CELF4: variants seen among roughly 807,000 people sequenced by gnomAD.
The protein encoded by CELF4 is CUGBP Elav-like family member 4.
CELF4 carries 18 observed loss-of-function variants against 59.9 expected under a neutral mutation model. The ratio of observed to expected loss-of-function variants is 0.30; its 90% CI spans 0.21 to 0.45. CELF4 has a LOEUF of 0.45. Among genes scored for constraint, CELF4 ranks in the 20% least tolerant of loss-of-function variants. CELF4 has a pLI of 1.00. For missense variants in CELF4, 456 were observed against 689.0 expected (o/e 0.66, Z 3.79); for synonymous variants, 261 against 267.1 (o/e 0.98, Z 0.22).
intron 2 of CELF4, among the ~76,000 whole-genome samples, chr18:37,437,200 A>G (rs1348608646): frequency 6.6e-6 from 1 of 152,102 alleles, no homozygotes; most frequent in East Asian, 1.9e-4. Context: ...TGCCTGCCCC[A>G]CCCCATGCCC....
intron 2 of CELF4, among the ~76,000 whole-genome samples, chr18:37,325,364 G>A (rs896694752): frequency 1.3e-5 from 2 of 152,320 alleles, no homozygotes; most frequent in South Asian, 4.1e-4. Flanking sequence ...GGTGAGTCCT[G>A]CGGATTCGCC....
rs566174797 is a variant in CELF4 at position 37,367,472 on chromosome 18, G to C, written c.370-45591C>G. On this transcript the variant is annotated intron_variant, in intron 2 of 12. Coordinates refer to ENST00000420428, the MANE Select transcript of CELF4 (RefSeq NM_020180.4). Reference sequence around the variant, plus strand: ...GGCAGGGGTGGGGATGGGGAGGACAGAGGGAAAGGATGCTCTGGGAAGGCC... The same window carrying C: ...GGCAGGGGTGGGGATGGGGAGGACACAGGGAAAGGATGCTCTGGGAAGGCC... Among the ~76,000 whole-genome samples, 67 of 152,110 alleles carry C rather than the reference G, an allele frequency of 4.4e-4. 1 individual carries two copies. Among genetic ancestry groups the C allele is most frequent in the African/African-American group, 1.5e-3 (64 of 41,508 alleles).
At chr18:37,413,146 T>C (rs1416819549) in intron 2 of CELF4, among the ~76,000 whole-genome samples, 2 of 152,190 alleles carry the variant, frequency 1.3e-5, no homozygotes, top group African/African-American at 2.4e-5. Context: ...AAAAACAACA[T>C]ATTGACCCTG....
At chr18:37,359,104 A>C (rs9958996) in intron 2 of CELF4, among the ~76,000 whole-genome samples, 122,210 of 152,062 alleles carry the variant, frequency 0.8, 49,318 homozygotes, top group East Asian at 0.93. Flanking sequence ...TCCAAAAAAA[A>C]CAAAACAAAA....
chr18:37,258,450 T>C (rs968806635), intron 11 of CELF4, among the ~76,000 whole-genome samples: 1 of 152,208 alleles, frequency 6.6e-6, no homozygotes, highest in African/African-American at 2.4e-5. Flanking sequence ...CGTTTCATTA[T>C]TAGGTGCCTC....
intron 1 of CELF4, among the ~76,000 whole-genome samples, chr18:37,491,843 G>C (rs893590223): frequency 2.6e-5 from 4 of 152,210 alleles, no homozygotes; most frequent in Admixed American, 6.5e-5. Context: ...TCTCCCATGT[G>C]GGGGGAAAAC....
chr18:37,320,632 A>G (rs1435646635), intron 3 of CELF4, among the ~76,000 whole-genome samples: 2 of 152,068 alleles, frequency 1.3e-5, no homozygotes, highest in Admixed American at 6.5e-5. Flanking sequence ...GGGGTCCTTC[A>G]CCTGCTCGGA....
chr18:37,521,875 A>G (rs1026711016), intron 1 of CELF4, among the ~76,000 whole-genome samples: 1 of 152,208 alleles, frequency 6.6e-6, no homozygotes, highest in Non-Finnish European at 1.5e-5. Flanking sequence ...GCAACTTCTG[A>G]GTAGGCACAG....
chr18:37,557,221 G>A (rs1027299461), intron 1 of CELF4, among the ~76,000 whole-genome samples: 5 of 152,166 alleles, frequency 3.3e-5, no homozygotes, highest in Admixed American at 6.5e-5. Context: ...GCTTGTGCAC[G>A]TGCATATGTG....
chr18:37,514,066 G>A (rs914272766), intron 1 of CELF4, among the ~76,000 whole-genome samples: 1 of 151,950 alleles, frequency 6.6e-6, no homozygotes, highest in African/African-American at 2.4e-5. Flanking sequence ...CTCAGGGCAA[G>A]TCCCTAGAAA....
chr18:37,467,471 C>T (rs1411137702), intron 2 of CELF4, among the ~76,000 whole-genome samples: 2 of 152,120 alleles, frequency 1.3e-5, no homozygotes, highest in Non-Finnish European at 2.9e-5. Flanking sequence ...GCAATGGGAG[C>T]CACGCACTTG....
chr18:37,471,165 G>A (rs1436580147), intron 2 of CELF4, among the ~76,000 whole-genome samples: 3 of 152,034 alleles, frequency 2.0e-5, no homozygotes, highest in African/African-American at 7.2e-5. Flanking sequence ...GAAACCAAGT[G>A]AGTAGCTCCT....
rs780184425 is a variant in CELF4, at chr18:37,273,118, C to T, written c.847G>A (p.Gly283Ser). 59 of 1,613,408 alleles carry T rather than the reference C, an allele frequency of 3.7e-5. No homozygotes were observed. The highest frequency in any genetic ancestry group is 4.4e-5 in the South Asian group (4 of 91,068). The change falls in exon 7 of 13, where the codon GGC becomes AGC. Residue 283 changes from glycine to serine, a missense_variant. Transcript: ENST00000420428. ...AAGGCAGCCATGGGGTTCAGGTAGC[C>T]GCCCTGCGCGACTGATGCCATCAGG... ...AALMASVAQG[G>S]YLNPMAAFAA... is the part of the protein sequence containing the mutation.
chr18:37,499,707 G>T (rs2099929312), intron 1 of CELF4, among the ~76,000 whole-genome samples: 1 of 152,210 alleles, frequency 6.6e-6, no homozygotes, highest in Admixed American at 6.5e-5. Flanking sequence ...GATGGTCAAT[G>T]GTTTGCATGA....
chr18:37,288,376 T>G lies in CELF4; in HGVS notation c.449-13133A>C, dbSNP rs189184038. Among the ~76,000 whole-genome samples, 12 of 152,304 alleles carry G rather than the reference T, an allele frequency of 7.9e-5. 1 individual carries two copies. In the South Asian group the frequency reaches 1.0e-3, roughly 13 times the overall value. ...GTTTATGCAGAGCTCCATGCATTCA[T>G]TCTCTTGGTCAAAGACCATGCCCTC... On this transcript the variant is annotated intron_variant, in intron 3 of 12. Coordinates refer to ENST00000420428, the MANE Select transcript of CELF4 (RefSeq NM_020180.4).
intron 11 of CELF4, among the ~76,000 whole-genome samples, chr18:37,258,639 G>C (rs2071879842): frequency 1.3e-5 from 2 of 152,140 alleles, no homozygotes; most frequent in Admixed American, 1.3e-4. Flanking sequence ...AAGGAGTTGG[G>C]GCAGGACAGA....
chr18:37,391,897 C>A (rs1048818068), intron 2 of CELF4, among the ~76,000 whole-genome samples: 3 of 152,188 alleles, frequency 2.0e-5, no homozygotes, highest in Admixed American at 1.3e-4. Context: ...CGGCACCAGG[C>A]GTTTTCAGCT....
At chr18:37,306,709 T>A (rs778819124) in intron 3 of CELF4, among the ~76,000 whole-genome samples, 1 of 152,004 alleles carries the variant, frequency 6.6e-6, no homozygotes, top group South Asian at 2.1e-4. Flanking sequence ...TGGCATGCCG[T>A]GGTGAGCGGT....
intron 2 of CELF4, among the ~76,000 whole-genome samples, chr18:37,347,393 T>C (rs2098299960): frequency 6.6e-6 from 1 of 152,064 alleles, no homozygotes. Flanking sequence ...GGGCCAATTA[T>C]TCATTTATTA....
Sources: allele counts gnomAD v4.1 joint callset (sites outside exome capture counted in the v4.1 genomes callset), GRCh38; gene constraint gnomAD v4.1.1; transcripts MANE v1.5; gene names NCBI Gene and HGNC (gene_info 2026-07-23, HGNC 2026-07-21).